ZNF717: variants seen among roughly 807,000 people sequenced by gnomAD.
ZNF717 encodes the protein zinc finger protein 717, also known as krueppel-like factor X17.
A neutral mutation model predicts 13.8 loss-of-function variants in ZNF717; 9 were observed. That is an observed-to-expected ratio of 0.65 (90% CI 0.39 to 1.14). The LOEUF (loss-of-function observed/expected upper bound fraction) is 1.14. ZNF717 is among the 50% of genes most tolerant of loss of function. The pLI is 0.01. For missense variants in ZNF717, 1,040 were observed against 1,080.7 expected (o/e 0.96, Z 0.53); for synonymous variants, 327 against 364.1 (o/e 0.90, Z 1.16).
exon 6 of ZNF717, chr3:75,709,948 C>T (rs1308465040): frequency 6.6e-6 from 1 of 152,060 alleles, no homozygotes; most frequent in African/African-American, 2.4e-5. Context: ...GGGTAATTGG[C>T]ACCTAAGAGT....
chr3:75,715,280 A>G (rs1185037967), intron 5 of ZNF717, among the ~76,000 whole-genome samples: 3 of 152,214 alleles, frequency 2.0e-5, no homozygotes, highest in Non-Finnish European at 4.4e-5. Context: ...TGTAACCTTG[A>G]ATTAGTAGCA....
downstream of ZNF717, among the ~76,000 whole-genome samples, chr3:75,735,447 G>A (rs1431520994): frequency 1.3e-5 from 1 of 77,892 alleles, no homozygotes. Context: ...GCAATACAGT[G>A]AGACCCTGTC....
In ZNF717 at chr3:75,737,808, G is replaced by A. The variant is rs779851479; in HGVS notation, c.1815C>T (p.Asn605=). The change falls in exon 5 of 5, where the codon AAC becomes AAT. Residue 605 remains asparagine, a synonymous_variant. Coordinates refer to ENST00000652011, the MANE Select transcript of ZNF717 (RefSeq NM_001290208.3). The stretch of plus-strand genomic sequence containing the variant: ...TGTGAGTTCTCTTGTGTATCCCAAG[G>A]TTTAACTTATTGATAAAGGTTTTCT... The part of the protein sequence containing the change: ...ECEKTFINKL[N]LGIHKRTHTG... 6 of 1,551,444 alleles carry A rather than the reference G, an allele frequency of 3.9e-6. No homozygotes were observed. Among genetic ancestry groups the A allele is most frequent in the East Asian group, 2.4e-5 (1 of 40,890 alleles).
chr3:75,754,610 T>G (rs1942306727), intron 2 of ZNF717, among the ~76,000 whole-genome samples: 1 of 152,178 alleles, frequency 6.6e-6, no homozygotes, highest in Non-Finnish European at 1.5e-5. Flanking sequence ...TAGACTCAGC[T>G]GAGTAAAGAA....
intron 5 of ZNF717, among the ~76,000 whole-genome samples, chr3:75,716,057 A>C (rs1938042976): frequency 6.7e-6 from 1 of 150,112 alleles, no homozygotes; most frequent in African/African-American, 2.5e-5. Context: ...TGCAACCTCC[A>C]CTTCCCAGGT....
At chr3:75,775,228 A>T (rs188210482) in intron 2 of ZNF717, among the ~76,000 whole-genome samples, 1,790 of 152,142 alleles carry the variant, frequency 0.012, 3 homozygotes, top group Middle Eastern at 0.024. Context: ...CCTCCCAAAC[A>T]GCTGGGATTA....
chr3:75,770,244 A>T (rs932802273), intron 2 of ZNF717, among the ~76,000 whole-genome samples: 2 of 152,256 alleles, frequency 1.3e-5, no homozygotes, highest in African/African-American at 4.8e-5. Flanking sequence ...CTTCTCCTGT[A>T]TTCAGAAATC....
At chr3:75,711,872 A>T (rs1420507720) in intron 5 of ZNF717, among the ~76,000 whole-genome samples, 1 of 152,254 alleles carries the variant, frequency 6.6e-6, no homozygotes, top group Non-Finnish European at 1.5e-5. Context: ...TGAATGACAA[A>T]AACTTGGAAT....
At chr3:75,713,404 G>T (rs1380622273) in intron 5 of ZNF717, among the ~76,000 whole-genome samples, 1 of 152,058 alleles carries the variant, frequency 6.6e-6, no homozygotes, top group Non-Finnish European at 1.5e-5. Flanking sequence ...ACCCACATCG[G>T]CCTCACGAAG....
chr3:75,697,985 T>C (rs1198168915), intron 6 of ZNF717, among the ~76,000 whole-genome samples: 1 of 152,302 alleles, frequency 6.6e-6, no homozygotes, highest in African/African-American at 2.4e-5. Context: ...ACGCATGTTG[T>C]CTTAGCAAAG....
intron 4 of ZNF717, among the ~76,000 whole-genome samples, chr3:75,739,924 C>G (rs1940152236): frequency 6.6e-6 from 1 of 151,998 alleles, no homozygotes; most frequent in African/African-American, 2.4e-5. Flanking sequence ...TCTCTTATTC[C>G]CCATGTTAAA....
At chr3:75,719,970 A>AATAATAATAATAAT (rs748007104) in intron 4 of ZNF717, among the ~76,000 whole-genome samples, 30 of 146,134 alleles carry the variant, frequency 2.1e-4, no homozygotes, top group African/African-American at 7.3e-4. Flanking sequence ...AAATAATAAT[A>AATAATAATAATAAT]AATAATAATA....
chr3:75,761,828 A>C (rs544645369), intron 2 of ZNF717, among the ~76,000 whole-genome samples: 1 of 152,238 alleles, frequency 6.6e-6, no homozygotes, highest in Non-Finnish European at 1.5e-5. Flanking sequence ...AACTGAGGTC[A>C]GGAGTTCGTG....
At chr3:75,749,461 C>T (rs112899844) in intron 2 of ZNF717, among the ~76,000 whole-genome samples, 15 of 141,428 alleles carry the variant, frequency 1.1e-4, no homozygotes, top group Non-Finnish European at 1.6e-4. Context: ...CCCTCACATA[C>T]GATTCCGGAA....
intron 2 of ZNF717, among the ~76,000 whole-genome samples, chr3:75,745,153 G>A (rs1430667820): frequency 8.5e-6 from 1 of 118,216 alleles, no homozygotes; most frequent in Non-Finnish European, 1.8e-5. Context: ...GCTGTGGTCT[G>A]TTGTTTTTTT....
chr3:75,736,798 G>A lies in ZNF717; in HGVS notation c.*80C>T, dbSNP rs1217961380. ...CTTGTTGGTAGGCCAGGAGGTAATG[G>A]TCACCATTTGTGTCCATATTCTCCT... is the stretch of plus-strand genomic sequence containing the variant. On this transcript the variant is annotated 3_prime_UTR_variant, in exon 5 of 5. Coordinates refer to ENST00000652011, the MANE Select transcript of ZNF717 (RefSeq NM_001290208.3). 3.6e-5 allele frequency: 51 copies of A among 1,408,614 alleles called. No individual in the cohort carries two copies. The highest frequency in any genetic ancestry group is 4.4e-5 in the Non-Finnish European group (47 of 1,059,572). The allele number at this position is 1,408,614 out of a possible 1,614,324, so 87.3% of individuals were successfully genotyped here.
chr3:75,777,881 T>C (rs1346636912), intron 2 of ZNF717, among the ~76,000 whole-genome samples: 1 of 144,654 alleles, frequency 6.9e-6, no homozygotes. Context: ...CCCAAAACAA[T>C]GGGAGTGACG....
chr3:75,784,493 A>G (rs1300140173), intron 1 of ZNF717, among the ~76,000 whole-genome samples: 1 of 152,206 alleles, frequency 6.6e-6, no homozygotes, highest in East Asian at 1.9e-4. Flanking sequence ...TAGGTTTAAT[A>G]TATCTCAAAC....
exon 6 of ZNF717, chr3:75,730,605 AAG>A (rs1938473789): frequency 1.5e-6 from 1 of 651,094 alleles, no homozygotes; most frequent in South Asian, 1.5e-5. Flanking sequence ...CAGAGTTCAC[AAG>A]AGAGATCAAA....
Sources: allele counts gnomAD v4.1 joint callset (sites outside exome capture counted in the v4.1 genomes callset), GRCh38; gene constraint gnomAD v4.1.1; transcripts MANE v1.5; gene names NCBI Gene and HGNC (gene_info 2026-07-23, HGNC 2026-07-21).